Variants in KRTAP4-2 observed in about 807,000 individuals in gnomAD.
The protein encoded by KRTAP4-2 is keratin-associated protein 4-2.
For missense variants in KRTAP4-2, 178 were observed against 177.3 expected, an observed-to-expected ratio of 1.00 and a Z score of -0.02; for synonymous variants, 56 against 63.5, an observed-to-expected ratio of 0.88 and a Z score of 0.56.
rs186526050 is a variant in KRTAP4-2 at position 41,178,100 on chromosome 17, C to T, written c.65G>A (p.Arg22His). 611 of 1,614,132 alleles carry T rather than the reference C, an allele frequency of 3.8e-4. 2 individuals are homozygous for T. Among genetic ancestry groups the T allele is most frequent in the African/African-American group, 2.9e-3 (217 of 75,066 alleles). The change falls in exon 1 of 1, where the codon CGT becomes CAT. Residue 22 changes from arginine (R) to histidine (H), a missense_variant. Coordinates refer to ENST00000377726, the MANE Select transcript of KRTAP4-2 (RefSeq NM_033062.4). ...DQGCGLENCCRPSCCQTTCCR... is the reference protein window; with the variant it reads ...DQGCGLENCCHPSCCQTTCCR... ...GCAGGTGGTCTGGCAGCAGCTGGGACGGCAGCAGTTCTCTAGGCCACAGCC... is the reference window on the plus strand; with the variant it reads ...GCAGGTGGTCTGGCAGCAGCTGGGATGGCAGCAGTTCTCTAGGCCACAGCC...
rs562329904 is a variant in KRTAP4-2, at chr17:41,177,520, G to A, written c.*234C>T. The A allele has an allele frequency of 7.7e-6, 5 of 651,282 alleles. No homozygotes were observed. Among genetic ancestry groups the A allele is most frequent in the African/African-American group, 3.6e-5 (2 of 55,022 alleles). 40.3% of individuals were successfully genotyped at this position (651,282 alleles called of 1,614,324 possible). ...TCCATGTGATAAATTATGGTAGAGAGCAAATATTTCAATTCAGGGAACATG... is the reference window on the plus strand; with the variant it reads ...TCCATGTGATAAATTATGGTAGAGAACAAATATTTCAATTCAGGGAACATG... On this transcript the variant is annotated 3_prime_UTR_variant, in exon 1 of 1. Coordinates refer to ENST00000377726, the MANE Select transcript of KRTAP4-2 (RefSeq NM_033062.4).
chr17:41,178,027 G>A lies in KRTAP4-2; in HGVS notation c.138C>T (p.Cys46=). The A allele has an allele frequency of 6.2e-7, 1 of 1,612,538 alleles. No individual in the cohort carries two copies. Among genetic ancestry groups the A allele is most frequent in the Non-Finnish European group, 8.5e-7 (1 of 1,179,248 alleles). ...ACACAGACTGGCAGCACTGCGGTCT[G>A]CAGCAGCTGGACACACAGCAGCTGG... ...CRPSCCVSSC[C]RPQCCQSVCC... is the part of the protein sequence containing the mutation. Residue 46 remains cysteine (C), a synonymous_variant, in exon 1 of 1, where the codon TGC becomes TGT. Transcript: ENST00000377726.
At position 41,177,476 on chromosome 17, in the gene KRTAP4-2, T is replaced by G; in HGVS notation, c.*278A>C. On this transcript the variant is annotated 3_prime_UTR_variant, in exon 1 of 1. Coordinates refer to ENST00000377726, the MANE Select transcript of KRTAP4-2 (RefSeq NM_033062.4). Reference sequence around the variant, plus strand: ...TGTATGCCTCAAAAATTAAAATTTATTTAAGATAGAGGAATAGCTCCATGT... The same window carrying G: ...TGTATGCCTCAAAAATTAAAATTTAGTTAAGATAGAGGAATAGCTCCATGT... The G allele has an allele frequency of 1.9e-6, 1 of 521,332 alleles. No homozygotes were observed. The highest frequency in any genetic ancestry group is 3.9e-5 in the South Asian group (1 of 25,944). 32.3% of individuals were successfully genotyped at this position (521,332 alleles called of 1,614,324 possible).
In KRTAP4-2 at chr17:41,177,687, T is replaced by C. The variant is rs567007464; in HGVS notation, c.*67A>G. 34 of 1,567,762 alleles carry C rather than the reference T, an allele frequency of 2.2e-5. No homozygotes were observed. In the African/African-American group the frequency reaches 3.2e-4, roughly 15 times the overall value. On this transcript the variant is annotated 3_prime_UTR_variant, in exon 1 of 1. Coordinates refer to ENST00000377726, the MANE Select transcript of KRTAP4-2 (RefSeq NM_033062.4). The stretch of plus-strand genomic sequence containing the variant: ...AGGTTGTCCAATTGGCCTTGCATGA[T>C]TCAGTTCACAGGTGGATCATATCAA...
In KRTAP4-2 at chr17:41,177,997, G is replaced by A. The variant is rs756850487; in HGVS notation, c.168C>T (p.Cys56=). The change falls in exon 1 of 1, where the codon TGC becomes TGT. Residue 56 remains cysteine, a synonymous_variant. Transcript: ENST00000377726. Reference sequence around the variant, plus strand: ...AGCTGGGGCTGCAGCAGGTGGGCTGGCAGCACACAGACTGGCAGCACTGCG... The same window carrying A: ...AGCTGGGGCTGCAGCAGGTGGGCTGACAGCACACAGACTGGCAGCACTGCG... The part of the protein sequence containing the change: ...CRPQCCQSVC[C]QPTCCSPSCC... 5 of 1,605,490 alleles carry A rather than the reference G, an allele frequency of 3.1e-6. No individual in the cohort carries two copies. Among genetic ancestry groups the A allele is most frequent in the East Asian group, 2.2e-5 (1 of 44,768 alleles).
Position 41,177,477 on chromosome 17 carries a change from T to G in KRTAP4-2, c.*277A>C. 3.9e-6 allele frequency: 2 copies of G among 518,642 alleles called. No homozygotes were observed. Among genetic ancestry groups the G allele is most frequent in the South Asian group, 3.9e-5 (1 of 25,362 alleles). The allele number at this position is 518,642 out of a possible 1,614,324, so 32.1% of individuals were successfully genotyped here. A position where few individuals can be genotyped will look rare whatever the true frequency, so the allele number is the denominator to read the frequency against. Reference sequence around the variant, plus strand: ...GTATGCCTCAAAAATTAAAATTTATTTAAGATAGAGGAATAGCTCCATGTG... The same window carrying G: ...GTATGCCTCAAAAATTAAAATTTATGTAAGATAGAGGAATAGCTCCATGTG... On this transcript the variant is annotated 3_prime_UTR_variant, in exon 1 of 1. Transcript: ENST00000377726.
chr17:41,177,824 G>A lies in KRTAP4-2; in HGVS notation c.341C>T (p.Thr114Ile). The change falls in exon 1 of 1, where the codon ACC becomes ATC. Residue 114 changes from threonine (T) to isoleucine (I), a missense_variant. Transcript: ENST00000377726. The stretch of plus-strand genomic sequence containing the variant: ...CACACAGCAGCTGGGGCGGTAGCAG[G>A]TGGTCCTGCAGCAGGTGGTCTGGCC... ...SCGQTTCCRT[T>I]CYRPSCCVST... 2 of 1,610,910 alleles carry A rather than the reference G, an allele frequency of 1.2e-6. No homozygotes were observed. The highest frequency in any genetic ancestry group is 1.1e-5 in the South Asian group (1 of 90,696).
At position 41,178,012 on chromosome 17, in the gene KRTAP4-2, G is replaced by A. The variant is rs755853766; in HGVS notation, c.153C>T (p.Cys51=). The A allele has an allele frequency of 3.1e-6, 5 of 1,603,120 alleles. No homozygotes were observed. In the Admixed American group the frequency reaches 5.1e-5, roughly 16 times the overall value. ...CVSSCCRPQC[C]QSVCCQPTCC... Reference sequence around the variant, plus strand: ...AGGTGGGCTGGCAGCACACAGACTGGCAGCACTGCGGTCTGCAGCAGCTGG... The same window carrying A: ...AGGTGGGCTGGCAGCACACAGACTGACAGCACTGCGGTCTGCAGCAGCTGG... The change falls in exon 1 of 1, where the codon TGC becomes TGT. Residue 51 remains cysteine, a synonymous_variant. Coordinates refer to ENST00000377726, the MANE Select transcript of KRTAP4-2 (RefSeq NM_033062.4).
Position 41,177,855 on chromosome 17 carries a change from T to TG in KRTAP4-2, c.309dup (p.Ser104GlnfsTer29), listed in dbSNP as rs1473256422. 6.3e-7 allele frequency: 1 copy of TG among 1,580,966 alleles called. No homozygotes were observed. Among genetic ancestry groups the TG allele is most frequent in the East Asian group, 2.4e-5 (1 of 42,538 alleles). On this transcript the variant is annotated frameshift_variant, in exon 1 of 1. Transcript: ENST00000377726. LOFTEE classifies it low-confidence loss of function (END_TRUNC). ...CTGCAGCAGGTGGTCTGGCCACAGC[T>TG]GGGGCGGCAGCAGGTGGGCTGGCAG...
Position 41,177,899 on chromosome 17 carries a change from T to G in KRTAP4-2, c.266A>C (p.Gln89Pro). Residue 89 changes from glutamine to proline, a missense_variant, in exon 1 of 1, where the codon CAG becomes CCG. Transcript: ENST00000377726. ...CTGGCAGTACACAGACTGGCAGCAC[T>G]GGGGTCTGAAGCAGCTGGACACACA... ...SCCVSSCFRP[Q>P]CCQSVYCQPT... 1 of 1,568,934 alleles carries G rather than the reference T, an allele frequency of 6.4e-7. No individual in the cohort carries two copies. The highest frequency in any genetic ancestry group is 8.6e-7 in the Non-Finnish European group (1 of 1,158,718).
In KRTAP4-2 at chr17:41,177,952, G is replaced by A. The variant is rs906910877; in HGVS notation, c.213C>T (p.Cys71=). Residue 71 remains cysteine (C), a synonymous_variant, in exon 1 of 1, where the codon TGC becomes TGT. Coordinates refer to ENST00000377726, the MANE Select transcript of KRTAP4-2 (RefSeq NM_033062.4). The part of the protein sequence containing the change: ...CSPSCCQTTC[C]RTTCCRPSCC... ...AGCTGGGACGGCAGCAGGTGGTCCT[G>A]CAGCAAGTGGTCTGGCAGCAGCTGG... The A allele has an allele frequency of 1.2e-5, 19 of 1,605,918 alleles. 1 individual carries two copies. Among genetic ancestry groups the A allele is most frequent in the East Asian group, 2.2e-5 (1 of 44,848 alleles).
Position 41,177,860 on chromosome 17 carries a change from C to T in KRTAP4-2, c.305G>A (p.Arg102His), listed in dbSNP as rs754307555. 48 of 1,580,310 alleles carry T rather than the reference C, an allele frequency of 3.0e-5. No homozygotes were observed. Among genetic ancestry groups the T allele is most frequent in the East Asian group, 1.6e-4 (7 of 42,506 alleles). ...GCAGGTGGTCTGGCCACAGCTGGGGCGGCAGCAGGTGGGCTGGCAGTACAC... is the reference window on the plus strand; with the variant it reads ...GCAGGTGGTCTGGCCACAGCTGGGGTGGCAGCAGGTGGGCTGGCAGTACAC... ...QSVYCQPTCCRPSCGQTTCCR... is the reference protein window; with the variant it reads ...QSVYCQPTCCHPSCGQTTCCR... Residue 102 changes from arginine (R) to histidine (H), a missense_variant, in exon 1 of 1, where the codon CGC becomes CAC. Transcript: ENST00000377726.
Position 41,178,015 on chromosome 17 carries a change from G to T in KRTAP4-2, c.150C>A (p.Cys50Ter), listed in dbSNP as rs980997893. 8 of 1,605,966 alleles carry T rather than the reference G, an allele frequency of 5.0e-6. No homozygotes were observed. Among genetic ancestry groups the T allele is most frequent in the African/African-American group, 1.3e-5 (1 of 74,758 alleles). ...CCVSSCCRPQCCQSVCCQPTC... is the reference protein window; with the variant it reads ...CCVSSCCRPQ ...TGGGCTGGCAGCACACAGACTGGCAGCACTGCGGTCTGCAGCAGCTGGACA... is the reference window on the plus strand; with the variant it reads ...TGGGCTGGCAGCACACAGACTGGCATCACTGCGGTCTGCAGCAGCTGGACA... Residue 50 changes from cysteine (C) to a stop codon, truncating the protein, a stop_gained, in exon 1 of 1, where the codon TGC becomes TGA. Coordinates refer to ENST00000377726, the MANE Select transcript of KRTAP4-2 (RefSeq NM_033062.4). LOFTEE classifies it low-confidence loss of function (END_TRUNC).
In KRTAP4-2 at chr17:41,177,479, A is replaced by T; in HGVS notation, c.*275T>A. On this transcript the variant is annotated 3_prime_UTR_variant, in exon 1 of 1. Coordinates refer to ENST00000377726, the MANE Select transcript of KRTAP4-2 (RefSeq NM_033062.4). ...ATGCCTCAAAAATTAAAATTTATTT[A>T]AGATAGAGGAATAGCTCCATGTGAT... 1.9e-6 allele frequency: 1 copy of T among 522,416 alleles called. No individual in the cohort carries two copies. Among genetic ancestry groups the T allele is most frequent in the Non-Finnish European group, 3.3e-6 (1 of 306,272 alleles). The allele number at this position is 522,416 out of a possible 1,614,324, so 32.4% of individuals were successfully genotyped here. A position where few individuals can be genotyped will look rare whatever the true frequency, so the allele number is the denominator to read the frequency against.
chr17:41,178,127 T>G lies in KRTAP4-2; in HGVS notation c.38A>C (p.Gln13Pro), dbSNP rs1453959400. 1 of 1,613,958 alleles carries G rather than the reference T, an allele frequency of 6.2e-7. No individual in the cohort carries two copies. The highest frequency in any genetic ancestry group is 8.5e-7 in the Non-Finnish European group (1 of 1,179,918). The change falls in exon 1 of 1, where the codon CAG becomes CCG. Residue 13 changes from glutamine to proline, a missense_variant. Transcript: ENST00000377726. ...NSCCGSVCSD[Q>P]GCGLENCCRP... ...GCAGCAGTTCTCTAGGCCACAGCCC[T>G]GGTCAGAGCACACAGAGCCACAACA...
chr17:41,177,831 T>G lies in KRTAP4-2; in HGVS notation c.334A>C (p.Arg112=), dbSNP rs773563469. The stretch of plus-strand genomic sequence containing the variant: ...CAGCTGGGGCGGTAGCAGGTGGTCC[T>G]GCAGCAGGTGGTCTGGCCACAGCTG... ...RPSCGQTTCC[R]TTCYRPSCCV... is the part of the protein sequence containing the mutation. The change falls in exon 1 of 1, where the codon AGG becomes CGG. Residue 112 remains arginine (R), a synonymous_variant. Coordinates refer to ENST00000377726, the MANE Select transcript of KRTAP4-2 (RefSeq NM_033062.4). 6.2e-7 allele frequency: 1 copy of G among 1,610,662 alleles called. No homozygotes were observed. Among genetic ancestry groups the G allele is most frequent in the South Asian group, 1.1e-5 (1 of 90,678 alleles).
Position 41,178,177 on chromosome 17 carries a change from T to G in KRTAP4-2, c.-13A>C. 7.5e-6 allele frequency: 12 copies of G among 1,603,132 alleles called. No individual in the cohort carries two copies. Among genetic ancestry groups the G allele is most frequent in the Non-Finnish European group, 9.4e-6 (11 of 1,172,896 alleles). Reference sequence around the variant, plus strand: ...AGGAGTTGACCATGGTGTCAGAGGGTGGAGGTTCTGGGTGGATTTCCAGGA... The same window carrying G: ...AGGAGTTGACCATGGTGTCAGAGGGGGGAGGTTCTGGGTGGATTTCCAGGA... On this transcript the variant is annotated 5_prime_UTR_variant, in exon 1 of 1. Coordinates refer to ENST00000377726, the MANE Select transcript of KRTAP4-2 (RefSeq NM_033062.4).
Position 41,178,113 on chromosome 17 carries a change from C to G in KRTAP4-2, c.52G>C (p.Glu18Gln), listed in dbSNP as rs771425002. The change falls in exon 1 of 1, where the codon GAG becomes CAG. Residue 18 changes from glutamate to glutamine, a missense_variant. Glu to Gln is a conservative substitution (Grantham distance 29). Transcript: ENST00000377726. The part of the protein sequence containing the change: ...SVCSDQGCGL[E>Q]NCCRPSCCQT... ...CAGCAGCTGGGACGGCAGCAGTTCT[C>G]TAGGCCACAGCCCTGGTCAGAGCAC... 2 of 1,614,108 alleles carry G rather than the reference C, an allele frequency of 1.2e-6. No homozygotes were observed. The highest frequency in any genetic ancestry group is 1.7e-6 in the Non-Finnish European group (2 of 1,179,990).
Position 41,178,113 on chromosome 17 carries a change from C to T in KRTAP4-2, c.52G>A (p.Glu18Lys). 6.2e-7 allele frequency: 1 copy of T among 1,614,108 alleles called. No homozygotes were observed. The highest frequency in any genetic ancestry group is 8.5e-7 in the Non-Finnish European group (1 of 1,179,990). Residue 18 changes from glutamate to lysine, a missense_variant, in exon 1 of 1, where the codon GAG (glutamate) becomes AAG (lysine). Physicochemically the swap from Glu to Lys is moderately conservative, Grantham distance 56. Transcript: ENST00000377726. ...SVCSDQGCGL[E>K]NCCRPSCCQT... is the part of the protein sequence containing the mutation. The stretch of plus-strand genomic sequence containing the variant: ...CAGCAGCTGGGACGGCAGCAGTTCT[C>T]TAGGCCACAGCCCTGGTCAGAGCAC...
Sources: gnomAD v4.1 joint callset for allele counts on GRCh38, gnomAD v4.1.1 for gene constraint, MANE v1.5 for transcripts, NCBI Gene and HGNC (gene_info 2026-07-23, HGNC 2026-07-21) for gene names.